TTLL4: variants seen among roughly 807,000 people sequenced by gnomAD.
TTLL4 encodes tubulin monoglutamylase TTLL4.
A neutral mutation model predicts 122.7 loss-of-function variants in TTLL4; 85 were observed. The observed-to-expected ratio is 0.69, with a 90% CI of 0.58 to 0.83. The LOEUF is 0.83. TTLL4 is among the 40% of genes least tolerant of loss of function. The pLI is 0.00. For synonymous variants in TTLL4, 553 were observed against 563.0 expected, an observed-to-expected ratio of 0.98 and a Z score of 0.25; for missense variants, 1,363 against 1,488.6, an observed-to-expected ratio of 0.92 and a Z score of 1.39.
At chr2:218,757,561 G>A (rs1225630352), downstream of TTLL4, among the ~76,000 whole-genome samples, 1 of 152,194 alleles carries the variant, frequency 6.6e-6, no homozygotes, top group Admixed American at 6.5e-5. Context: ...GAAAATAAGA[G>A]AACTTGATTG....
rs1421790703 is a variant in TTLL4, at chr2:218,752,792, G to A, written c.3006G>A (p.Leu1002=). 6.2e-7 allele frequency: 1 copy of A among 1,614,150 alleles called. No individual in the cohort carries two copies. The change falls in exon 17 of 20, where the codon CTG becomes CTA. Residue 1002 remains leucine, a synonymous_variant. Transcript: ENST00000392102. The stretch of plus-strand genomic sequence containing the variant: ...TCTATGCATCTGTGCTGGATGTCCT[G>A]ACACCAGATGATGTTCGGATTCTGG... ...QDFYASVLDV[L]TPDDVRILVE...
intron 2 of TTLL4, among the ~76,000 whole-genome samples, chr2:218,730,329 AAAAAAAAAAAAAAAAAAAAAG>A (rs1942338537): frequency 1.9e-5 from 1 of 53,726 alleles, no homozygotes; most frequent in Non-Finnish European, 4.0e-5. Context: ...AAAAAAAAAA[AAAAAAAAAAAAAAAAAAAAAG>A]AAAAAAAATT....
chr2:218,725,488 A>G (rs1329036398), intron 1 of TTLL4, among the ~76,000 whole-genome samples: 1 of 152,132 alleles, frequency 6.6e-6, no homozygotes, highest in East Asian at 1.9e-4. Flanking sequence ...AACCATAAAA[A>G]CATTCTACAC....
intron 5 of TTLL4, 138 bp from the exon 6 acceptor site, chr2:218,744,971 A>G (rs1942799484): frequency 2.6e-6 from 3 of 1,154,630 alleles, no homozygotes; most frequent in Non-Finnish European, 3.6e-6. Flanking sequence ...CAAAATAATT[A>G]TTAATTATTG....
intron 16 of TTLL4, 81 bp from the exon 17 acceptor site, chr2:218,752,682 C>A: frequency 4.0e-6 from 6 of 1,502,180 alleles, no homozygotes; most frequent in Non-Finnish European, 5.5e-6. Flanking sequence ...GGGGTGTGCT[C>A]CCTGTTCCCC....
At position 218,746,190 on chromosome 2, in the gene TTLL4, A is replaced by C. The variant is rs1055198735; in HGVS notation, c.1933A>C (p.Met645Leu). ...DDWLGCWGHH[M>L]KSPSFRSIRE... is the part of the protein sequence containing the mutation. Reference sequence around the variant, plus strand: ...CTGGCTGGGCTGCTGGGGTCACCACATGAAGTCTCCTAGTTTCCGATCCAT... The same window carrying C: ...CTGGCTGGGCTGCTGGGGTCACCACCTGAAGTCTCCTAGTTTCCGATCCAT... The change falls in exon 8 of 20, where the codon ATG becomes CTG. Residue 645 changes from methionine (M) to leucine (L), a missense_variant. Physicochemically the swap from Met to Leu is conservative, Grantham distance 15. Transcript: ENST00000392102. The C allele has an allele frequency of 1.2e-6, 2 of 1,613,926 alleles. No homozygotes were observed. Among genetic ancestry groups the C allele is most frequent in the African/African-American group, 1.3e-5 (1 of 74,866 alleles).
intron 1 of TTLL4, among the ~76,000 whole-genome samples, chr2:218,720,719 C>T (rs182988625): frequency 6.6e-5 from 10 of 151,920 alleles, no homozygotes; most frequent in Non-Finnish European, 8.8e-5. Context: ...GGGGTGTGCC[C>T]CTGGTTCCTG....
chr2:218,727,243 C>T (rs1214218451), intron 1 of TTLL4, 26 bp from the exon 2 acceptor site: 1 of 152,104 alleles, frequency 6.6e-6, no homozygotes, highest in African/African-American at 2.4e-5. Context: ...ATTCTGTTTT[C>T]TTTTTTCTCC....
intron 16 of TTLL4, 76 bp downstream of exon 16, chr2:218,751,882 CTT>C: frequency 6.4e-6 from 4 of 624,536 alleles, no homozygotes; most frequent in Non-Finnish European, 9.6e-6. Flanking sequence ...AAGCAAACAG[CTT>C]TTCTTTTTTT....
rs1471710466 is a variant in TTLL4 at position 218,752,914 on chromosome 2, G to A, written c.3128G>A (p.Arg1043Gln). 6 of 1,614,058 alleles carry A rather than the reference G, an allele frequency of 3.7e-6. No individual in the cohort carries two copies. Among genetic ancestry groups the A allele is most frequent in the East Asian group, 2.2e-5 (1 of 44,880 alleles). ...TATCTCCGCTTTTTTGAGCAGCCAC[G>A]ATATTTCAACATTCTCACCACCCAA... The part of the protein sequence containing the change: ...SRYLRFFEQP[R>Q]YFNILTTQWE... The change falls in exon 17 of 20, where the codon CGA becomes CAA. Residue 1043 changes from arginine to glutamine, a missense_variant. Around this residue, in one of 3 missense-constraint regions of TTLL4, gnomAD observed 596 missense variants for 655.8 expected, o/e 0.91. Transcript: ENST00000392102.
intron 5 of TTLL4, among the ~76,000 whole-genome samples, chr2:218,742,173 A>G (rs1370214974): frequency 6.6e-6 from 1 of 151,980 alleles, no homozygotes; most frequent in East Asian, 1.9e-4. Flanking sequence ...GTCTCATTAT[A>G]TTACCCAGGC....
intron 14 of TTLL4, 121 bp from the exon 15 acceptor site, chr2:218,749,888 T>A (rs148110392): frequency 1.5e-6 from 2 of 1,347,610 alleles, no homozygotes; most frequent in Non-Finnish European, 2.0e-6. Context: ...CATGGGGATG[T>A]TTGAGCAGCT....
intron 2 of TTLL4, among the ~76,000 whole-genome samples, chr2:218,735,072 T>G (rs550177131): frequency 1.3e-5 from 2 of 152,266 alleles, no homozygotes; most frequent in African/African-American, 4.8e-5. Context: ...TGTACTCCCC[T>G]TGAGAAAGAG....
At position 218,737,862 on chromosome 2, in the gene TTLL4, A is replaced by G; in HGVS notation, c.186A>G (p.Thr62=). The change falls in exon 3 of 20, where the codon ACA becomes ACG. Residue 62 remains threonine (T), a synonymous_variant. Coordinates refer to ENST00000392102, the MANE Select transcript of TTLL4 (RefSeq NM_014640.5). The part of the protein sequence containing the change: ...IWKLEKKQVE[T]LSAGLGPGLL... The stretch of plus-strand genomic sequence containing the variant: ...AGCTGGAAAAGAAGCAAGTGGAGAC[A>G]CTGTCAGCAGGGTTGGGCCCAGGCC... The G allele has an allele frequency of 1.9e-6, 3 of 1,614,214 alleles. No homozygotes were observed. Among genetic ancestry groups the G allele is most frequent in the Non-Finnish European group, 2.5e-6 (3 of 1,180,038 alleles).
intron 8 of TTLL4, 93 bp downstream of exon 8, chr2:218,746,324 G>A (rs544211932): frequency 3.5e-4 from 488 of 1,393,058 alleles, no homozygotes; most frequent in Non-Finnish European, 4.5e-4. Flanking sequence ...GGCGGGAAGA[G>A]GATGATGACC....
intron 13 of TTLL4, 143 bp downstream of exon 13, chr2:218,749,077 A>T: frequency 2.4e-6 from 3 of 1,244,960 alleles, no homozygotes; most frequent in Non-Finnish European, 3.4e-6. Flanking sequence ...GCCAGAGTTA[A>T]GTTCTAATGA....
At position 218,727,306 on chromosome 2, in the gene TTLL4, T is replaced by C. The variant is rs1314496190; in HGVS notation, c.-140T>C. The C allele has an allele frequency of 6.6e-6, 1 of 152,218 alleles. No individual in the cohort carries two copies. Among genetic ancestry groups the C allele is most frequent in the East Asian group, 1.9e-4 (1 of 5,200 alleles). The allele number at this position is 152,218 out of a possible 1,614,324, so 9.4% of individuals were successfully genotyped here. On this transcript the variant is annotated 5_prime_UTR_variant, in exon 2 of 20. Coordinates refer to ENST00000392102, the MANE Select transcript of TTLL4 (RefSeq NM_014640.5). Reference sequence around the variant, plus strand: ...CAAGCTCACTGATATTTTCCTCTGCTTGATCCATTGTGCTGTTGAGAGCCT... The same window carrying C: ...CAAGCTCACTGATATTTTCCTCTGCCTGATCCATTGTGCTGTTGAGAGCCT...
intron 3 of TTLL4, 116 bp downstream of exon 3, chr2:218,739,279 T>G (rs1179306167): frequency 7.5e-7 from 1 of 1,342,258 alleles, no homozygotes; most frequent in African/African-American, 1.5e-5. Flanking sequence ...TGCCCTAGAA[T>G]TTTTGGTTTT....
chr2:218,738,661 G>A lies in TTLL4; in HGVS notation c.985G>A (p.Asp329Asn). ...TCTGGATGACAGCTCTGATTCCCAG[G>A]ATCCAACTAAGGAGATTCGGTTCAC... is the stretch of plus-strand genomic sequence containing the variant. ...CALDDSSDSQ[D>N]PTKEIRFTEA... is the part of the protein sequence containing the mutation. The change falls in exon 3 of 20, where the codon GAT (aspartate) becomes AAT (asparagine). Residue 329 changes from aspartate (D) to asparagine (N), a missense_variant. By Grantham distance (23) the Asp-to-Asn change is conservative (BLOSUM62 1). Transcript: ENST00000392102. 1 of 1,614,180 alleles carries A rather than the reference G, an allele frequency of 6.2e-7. No individual in the cohort carries two copies. Among genetic ancestry groups the A allele is most frequent in the Admixed American group, 1.7e-5 (1 of 60,024 alleles).
Sources: allele counts gnomAD v4.1 joint callset (sites outside exome capture counted in the v4.1 genomes callset), GRCh38; gene constraint gnomAD v4.1.1; regional missense constraint gnomAD v4.1.1; transcripts MANE v1.5; gene names NCBI Gene and HGNC (gene_info 2026-07-23, HGNC 2026-07-21).